Variants in NUP210L observed in about 807,000 individuals in gnomAD.
NUP210L encodes nucleoporin 210 like.
Under a neutral mutation model 208.5 loss-of-function variants are expected in NUP210L, and 74 were observed. That is an observed-to-expected ratio of 0.35 (90% CI 0.29 to 0.43). NUP210L has a LOEUF of 0.43. Among genes scored for constraint, NUP210L ranks in the 20% least tolerant of loss-of-function variants. The probability of loss-of-function intolerance (pLI) is 1.00; values close to 1 mark genes in which losing one functional copy is unlikely to be tolerated. For missense variants in NUP210L, 1,843 were observed against 2,289.4 expected (o/e 0.81, Z 3.98); for synonymous variants, 780 against 816.9 (o/e 0.95, Z 0.77).
intron 16 of NUP210L, among the ~76,000 whole-genome samples, chr1:154,072,315 T>C (rs1654782814): frequency 6.6e-6 from 1 of 150,770 alleles, no homozygotes; most frequent in African/African-American, 2.4e-5. Context: ...TTTATTTTAA[T>C]TATGGCCATT....
intron 33 of NUP210L, among the ~76,000 whole-genome samples, chr1:154,016,660 C>T (rs1316372547): frequency 6.6e-6 from 1 of 151,958 alleles, no homozygotes. Context: ...TCAGGTCACT[C>T]TGTCTGGGCA....
intron 33 of NUP210L, among the ~76,000 whole-genome samples, chr1:154,012,840 CTAAAAAAAACACAAAAT>C (rs1651007627): frequency 6.9e-6 from 1 of 144,206 alleles, no homozygotes; most frequent in African/African-American, 2.8e-5. Context: ...CCCGCCTCTA[CTAAAAAAAACACAAAAT>C]TAGCCGGGCT....
At chr1:154,072,876 T>C (rs12410086) in intron 16 of NUP210L, among the ~76,000 whole-genome samples, 41,469 of 152,058 alleles carry the variant, frequency 0.27, 5,956 homozygotes, top group Admixed American at 0.37. Flanking sequence ...GATTTCATGA[T>C]CAAGAACCCA....
intron 33 of NUP210L, among the ~76,000 whole-genome samples, chr1:154,016,879 T>C (rs1387265965): frequency 6.6e-6 from 1 of 151,868 alleles, no homozygotes; most frequent in Non-Finnish European, 1.5e-5. Flanking sequence ...AGTGGGAGGA[T>C]AGCTTGAGCC....
chr1:154,141,431 C>G (rs758988461), exon 4 of NUP210L: 7 of 1,582,812 alleles, frequency 4.4e-6, no homozygotes, highest in Non-Finnish European at 6.1e-6. Flanking sequence ...TCAAGTTTAC[C>G]TAATTTTGCT....
intron 35 of NUP210L, among the ~76,000 whole-genome samples, chr1:154,006,743 C>T (rs1420723146): frequency 6.7e-6 from 1 of 148,928 alleles, no homozygotes; most frequent in Non-Finnish European, 1.5e-5. Context: ...GATCTGCCTG[C>T]CTCGGCCTCC....
intron 14 of NUP210L, among the ~76,000 whole-genome samples, chr1:154,098,088 A>G (rs921315529): frequency 6.6e-6 from 1 of 152,214 alleles, no homozygotes; most frequent in Non-Finnish European, 1.5e-5. Flanking sequence ...AGTCAGGCAC[A>G]CCAGTTGCTG....
At chr1:154,106,013 C>T (rs1656739883) in intron 12 of NUP210L, among the ~76,000 whole-genome samples, 1 of 152,090 alleles carries the variant, frequency 6.6e-6, no homozygotes, top group Non-Finnish European at 1.5e-5. Context: ...GTAATCCCAA[C>T]ACTTTGGGAG....
intron 29 of NUP210L, among the ~76,000 whole-genome samples, chr1:154,026,748 A>G (rs182058610): frequency 3.3e-5 from 5 of 152,292 alleles, no homozygotes; most frequent in African/African-American, 1.2e-4. Flanking sequence ...GATACATGCT[A>G]CAACATGGAT....
At chr1:154,050,474 G>C (rs1653425333) in intron 25 of NUP210L, among the ~76,000 whole-genome samples, 1 of 152,136 alleles carries the variant, frequency 6.6e-6, no homozygotes, top group Non-Finnish European at 1.5e-5. Context: ...TTCACCTACT[G>C]GTGTTATTGT....
In NUP210L at chr1:154,068,633, T is replaced by C. The variant is rs1291385155; in HGVS notation, c.2554+1640A>G. On this transcript the variant is annotated intron_variant, in intron 17 of 39. Transcript: ENST00000368559. Reference sequence around the variant, plus strand: ...AGGTGGAGCTTGCAGTGAGCCAAGATCATGCCACTGCACTCCAGCCTGGGT... The same window carrying C: ...AGGTGGAGCTTGCAGTGAGCCAAGACCATGCCACTGCACTCCAGCCTGGGT... Among the ~76,000 whole-genome samples, 13 of 152,198 alleles carry C rather than the reference T, an allele frequency of 8.5e-5. 1 individual carries two copies. The South Asian group carries it at 2.1e-3, about 24-fold the overall frequency.
intron 35 of NUP210L, among the ~76,000 whole-genome samples, chr1:154,008,853 A>G (rs1283515822): frequency 2.0e-5 from 3 of 152,056 alleles, no homozygotes; most frequent in African/African-American, 7.2e-5. Context: ...AACCATTCAG[A>G]CTGCCTGATC....
At chr1:154,016,417 TAAA>T (rs927685375) in intron 33 of NUP210L, among the ~76,000 whole-genome samples, 2 of 152,044 alleles carry the variant, frequency 1.3e-5, no homozygotes, top group African/African-American at 4.8e-5. Flanking sequence ...AATATTTCAT[TAAA>T]AAAATCCCTT....
chr1:154,011,695 T>G (rs1650933869), intron 34 of NUP210L, among the ~76,000 whole-genome samples: 1 of 138,390 alleles, frequency 7.2e-6, no homozygotes, highest in Non-Finnish European at 1.6e-5. Context: ...TTTTTTTTTT[T>G]TTTTTTTTTT....
At chr1:154,061,111 C>A in intron 18 of NUP210L, 65 bp from the exon 19 acceptor site, 1 of 1,145,472 alleles carries the variant, frequency 8.7e-7, no homozygotes, top group Non-Finnish European at 1.3e-6. Context: ...CCCACGGTGG[C>A]TTACGCTTGT....
At chr1:154,007,693 C>G (rs1353073404) in intron 35 of NUP210L, among the ~76,000 whole-genome samples, 1 of 151,956 alleles carries the variant, frequency 6.6e-6, no homozygotes, top group Non-Finnish European at 1.5e-5. Context: ...CTGCCTCAGC[C>G]TCCTGAGTAG....
intron 16 of NUP210L, among the ~76,000 whole-genome samples, chr1:154,074,497 T>C (rs1654935313): frequency 6.6e-6 from 1 of 151,072 alleles, no homozygotes; most frequent in African/African-American, 2.4e-5. Context: ...GATTTTTTTT[T>C]TTTTTTTTTG....
intron 10 of NUP210L, among the ~76,000 whole-genome samples, chr1:154,123,986 A>T (rs945971876): frequency 6.6e-6 from 1 of 151,982 alleles, no homozygotes. Context: ...GTTCGAGACC[A>T]GCCTGGCCAA....
intron 16 of NUP210L, among the ~76,000 whole-genome samples, chr1:154,071,635 T>TG: frequency 7.1e-6 from 1 of 140,100 alleles, no homozygotes; most frequent in Admixed American, 7.2e-5. Context: ...TCCTTTTTTT[T>TG]TTTTTTTTTT....
Sources: gnomAD v4.1 joint callset for allele counts (sites outside exome capture counted in the v4.1 genomes callset) on GRCh38, gnomAD v4.1.1 for gene constraint, MANE v1.5 for transcripts, NCBI Gene and HGNC (gene_info 2026-07-23, HGNC 2026-07-21) for gene names.